Variants in TOMM20L observed in about 807,000 individuals in gnomAD.
TOMM20L encodes translocase of outer mitochondrial membrane 20 like.
A neutral mutation model predicts 20.4 loss-of-function variants in TOMM20L; 19 were observed. The observed-to-expected ratio is 0.93, with a 90% CI of 0.65 to 1.36. TOMM20L has a LOEUF of 1.36. TOMM20L is among the 40% of genes most tolerant of loss of function. TOMM20L has a pLI of 0.00. For synonymous variants in TOMM20L, 75 were observed against 79.6 expected (o/e 0.94, Z 0.30); for missense variants, 218 against 203.7 (o/e 1.07, Z -0.43).
chr14:58,404,099 G>GTGTGTGTATATATATATATA (rs1408980666), intron 3 of TOMM20L, among the ~76,000 whole-genome samples: 372 of 22,918 alleles, frequency 0.016, 76 homozygotes, highest in Middle Eastern at 0.029. Context: ...ACATATATAT[G>GTGTGTGTATATATATATATA]TATATATATA....
rs1262174701 is a variant in TOMM20L at position 58,408,610 on chromosome 14, G to A, written c.*28G>A. 1.9e-6 allele frequency: 3 copies of A among 1,603,614 alleles called. No homozygotes were observed. The Admixed American group carries it at 5.0e-5, about 27-fold the overall frequency. On this transcript the variant is annotated 3_prime_UTR_variant, in exon 5 of 5. Transcript: ENST00000360945. Reference sequence around the variant, plus strand: ...AACATTTCAACGTATCCACAGTCCAGTGAGAATACTATGGTACCATACAGT... The same window carrying A: ...AACATTTCAACGTATCCACAGTCCAATGAGAATACTATGGTACCATACAGT...
rs1178319089 is a variant in TOMM20L at position 58,398,809 on chromosome 14, TAATA to T, written c.180+2472_180+2475del. The T allele has an allele frequency of 5.9e-5, 9 of 152,062 alleles. No individual in the cohort carries two copies. The East Asian group carries it at 1.7e-3, about 29-fold the overall frequency. 9.4% of individuals were successfully genotyped at this position (152,062 alleles called of 1,614,324 possible). Reference sequence around the variant, plus strand: ...TTAATATTATTTCCCATATATGAAATAATAAATTATTTCAAGTGAAGAAGCAGCA... The same window carrying T: ...TTAATATTATTTCCCATATATGAAATAATTATTTCAAGTGAAGAAGCAGCA... On this transcript the variant is annotated intron_variant, in intron 2 of 4. Transcript: ENST00000360945.
rs998370141 is a variant in TOMM20L at position 58,395,968 on chromosome 14, T to A, written c.11T>A (p.Val4Asp). The A allele has an allele frequency of 2.8e-6, 4 of 1,444,408 alleles. No individual in the cohort carries two copies. The highest frequency in any genetic ancestry group is 3.7e-6 in the Non-Finnish European group (4 of 1,091,496). The allele number at this position is 1,444,408 out of a possible 1,614,324, so 89.5% of individuals were successfully genotyped here. Residue 4 changes from valine to aspartate, a missense_variant, in exon 1 of 5, where the codon GTC becomes GAC. By Grantham distance (152) the Val-to-Asp change is radical. Coordinates refer to ENST00000360945, the MANE Select transcript of TOMM20L (RefSeq NM_207377.3). ...GACGCCCGCGGTCGGATGCCCTCCG[T>A]CCGCTCCCTCCTCCGCCTCTTGGCC... MPS[V>D]RSLLRLLAAA...
chr14:58,402,382 A>G (rs2140302237), intron 2 of TOMM20L, among the ~76,000 whole-genome samples: 1 of 151,970 alleles, frequency 6.6e-6, no homozygotes, highest in East Asian at 1.9e-4. Context: ...TCTGCCTCCC[A>G]GGTTCAAGCA....
At chr14:58,412,186 A>G, downstream of TOMM20L, 1 of 415,678 alleles carries the variant, frequency 2.4e-6, no homozygotes, top group Non-Finnish European at 4.4e-6. Flanking sequence ...CTCTGTCACC[A>G]GGCTGGAGCG....
In TOMM20L at chr14:58,396,293, C is replaced by G; in HGVS notation, c.137-5C>G. 2 of 1,613,114 alleles carry G rather than the reference C, an allele frequency of 1.2e-6. No homozygotes were observed. The highest frequency in any genetic ancestry group is 1.7e-6 in the Non-Finnish European group (2 of 1,179,792). Reference sequence around the variant, plus strand: ...CAGCCAGCATGTGCCGTGTTGTGTTCGCAGAAAGAAGAGCAGAGCCTCAAA... The same window carrying G: ...CAGCCAGCATGTGCCGTGTTGTGTTGGCAGAAAGAAGAGCAGAGCCTCAAA... On this transcript the variant is annotated splice_polypyrimidine_tract_variant and splice_region_variant and intron_variant, in intron 1 of 4. Transcript: ENST00000360945.
downstream of TOMM20L, chr14:58,410,863 T>C (rs1326432893): frequency 3.1e-6 from 5 of 1,609,364 alleles, no homozygotes; most frequent in Non-Finnish European, 4.2e-6. Context: ...TTTACTTCTC[T>C]TGTTGTGAAG....
chr14:58,402,095 A>C (rs8009001), intron 2 of TOMM20L, among the ~76,000 whole-genome samples: 150,111 of 152,294 alleles, frequency 0.99, 74,014 homozygotes, highest in East Asian at 1. Flanking sequence ...AGTAGGATTT[A>C]TGCTATATGT....
At chr14:58,404,090 C>CATATATATATAT (rs2036023608) in intron 3 of TOMM20L, among the ~76,000 whole-genome samples, 1 of 16,834 alleles carries the variant, frequency 5.9e-5, no homozygotes, top group Non-Finnish European at 1.5e-4. Context: ...TGTATATATA[C>CATATATATATAT]ATATATATGT....
Position 58,396,320 on chromosome 14 carries a change from G to A in TOMM20L, c.159G>A (p.Lys53=), listed in dbSNP as rs368065454. The A allele has an allele frequency of 9.3e-6, 15 of 1,613,312 alleles. No homozygotes were observed. The highest frequency in any genetic ancestry group is 1.2e-5 in the Non-Finnish European group (14 of 1,179,876). Residue 53 remains lysine (K), a synonymous_variant, in exon 2 of 5, where the codon AAG becomes AAA. Coordinates refer to ENST00000360945, the MANE Select transcript of TOMM20L (RefSeq NM_207377.3). ...CAGAAAGAAGAGCAGAGCCTCAAAA[G>A]GCTGAGGAGCAGGGCACGCAGGTGC... ...LRDKRRAEPQ[K]AEEQGTQLWD...
At chr14:58,413,866 G>T in the TOMM20L span, among the ~76,000 whole-genome samples, 1 of 151,772 alleles carries the variant, frequency 6.6e-6, no homozygotes, top group Non-Finnish European at 1.5e-5. Flanking sequence ...AATTAGCTGG[G>T]CGTGGTGGTG....
chr14:58,416,855 C>T, the TOMM20L span, among the ~76,000 whole-genome samples: 2 of 152,124 alleles, frequency 1.3e-5, no homozygotes, highest in East Asian at 1.9e-4. Flanking sequence ...TGCCTGTAAT[C>T]TCAGCACTTT....
At chr14:58,411,829 A>AG, downstream of TOMM20L, 2 of 1,365,398 alleles carry the variant, frequency 1.5e-6, no homozygotes, top group Non-Finnish European at 2.1e-6. Flanking sequence ...GAGCCACTGC[A>AG]CCCAGCCTGA....
intron 2 of TOMM20L, among the ~76,000 whole-genome samples, chr14:58,400,436 GAAAA>G (rs1167847335): frequency 4.1e-5 from 5 of 122,588 alleles, no homozygotes; most frequent in African/African-American, 1.5e-4. Context: ...AAAAAAAAAA[GAAAA>G]AAAAAAAAAC....
At chr14:58,412,766 T>C (rs2036262743), downstream of TOMM20L, among the ~76,000 whole-genome samples, 1 of 152,046 alleles carries the variant, frequency 6.6e-6, no homozygotes, top group Non-Finnish European at 1.5e-5. Flanking sequence ...CCAGACGTGG[T>C]GTCATGTGCC....
At chr14:58,397,603 A>C (rs2035944672) in intron 2 of TOMM20L, among the ~76,000 whole-genome samples, 1 of 152,232 alleles carries the variant, frequency 6.6e-6, no homozygotes, top group African/African-American at 2.4e-5. Context: ...TGGAGGGAAC[A>C]GCATGTGCAT....
chr14:58,414,580 A>G, the TOMM20L span, among the ~76,000 whole-genome samples: 26 of 151,894 alleles, frequency 1.7e-4, no homozygotes, highest in African/African-American at 6.3e-4. Flanking sequence ...TCTACTGAAA[A>G]TACAAAAATT....
At chr14:58,410,888 C>G, downstream of TOMM20L, 1 of 1,612,962 alleles carries the variant, frequency 6.2e-7, no homozygotes, top group East Asian at 2.2e-5. Flanking sequence ...TAACACAGTC[C>G]AAAAAGCAGG....
At chr14:58,415,716 T>C in the TOMM20L span, among the ~76,000 whole-genome samples, 1 of 151,990 alleles carries the variant, frequency 6.6e-6, no homozygotes, top group African/African-American at 2.4e-5. Flanking sequence ...TGTAGAAGTA[T>C]AAAAAAGTGA....
Sources: gnomAD v4.1 joint callset for allele counts (sites outside exome capture counted in the v4.1 genomes callset) on GRCh38, gnomAD v4.1.1 for gene constraint, MANE v1.5 for transcripts, NCBI Gene and HGNC (gene_info 2026-07-23, HGNC 2026-07-21) for gene names.